Variants in MAML3 observed in about 807,000 individuals in gnomAD.
The protein encoded by MAML3 is mastermind-like protein 3.
MAML3 carries 27 observed loss-of-function variants against 101.9 expected under a neutral mutation model. That is an observed-to-expected ratio of 0.27 (90% confidence interval 0.20 to 0.37). MAML3 has a LOEUF of 0.37. MAML3 is among the 10% of genes least tolerant of loss of function. The pLI is 1.00. For synonymous variants in MAML3, 501 were observed against 555.9 expected, an observed-to-expected ratio of 0.90 and a Z score of 1.39; for missense variants, 1,316 against 1,444.9, an observed-to-expected ratio of 0.91 and a Z score of 1.45.
intron 1 of MAML3, among the ~76,000 whole-genome samples, chr4:140,098,382 G>A (rs1284384861): frequency 6.6e-6 from 1 of 152,170 alleles, no homozygotes; most frequent in Non-Finnish European, 1.5e-5. Flanking sequence ...TGAAATATCA[G>A]CTGGCAAGCA....
rs565086021 is a variant in MAML3 at position 139,986,076 on chromosome 4, G to A, written c.469-95109C>T. On this transcript the variant is annotated intron_variant, in intron 1 of 4. Transcript: ENST00000509479. ...CCAGCTCTATGGAAAGCAGGGTCAG[G>A]ATAAGCAGAAGAGCAGACCAGCATG... 8.5e-5 allele frequency among the ~76,000 whole-genome samples: 13 copies of A among 152,348 alleles called. No homozygotes were observed. The East Asian group carries it at 2.5e-3, about 29-fold the overall frequency.
chr4:139,975,873 T>A (rs1234657040), intron 1 of MAML3, among the ~76,000 whole-genome samples: 2 of 152,210 alleles, frequency 1.3e-5, no homozygotes, highest in African/African-American at 4.8e-5. Context: ...GGCTGTTAAC[T>A]ATCTCAGTGT....
At chr4:139,899,539 A>C (rs549404930) in intron 1 of MAML3, among the ~76,000 whole-genome samples, 2 of 152,284 alleles carry the variant, frequency 1.3e-5, no homozygotes, top group Non-Finnish European at 2.9e-5. Context: ...CAGGTGCCAA[A>C]GGCTCAACTC....
chr4:140,005,791 G>GT (rs2110851201), intron 1 of MAML3, among the ~76,000 whole-genome samples: 1 of 152,328 alleles, frequency 6.6e-6, no homozygotes, highest in African/African-American at 2.4e-5. Flanking sequence ...ATATGCACAC[G>GT]TGAGTCAAAC....
In MAML3 at chr4:140,153,017, T is replaced by C; in HGVS notation, c.311A>G (p.Glu104Gly). ...GCTCACGGTGTCCCGGCGCTCCAGC[T>C]CCAGCTGCTCCACCTGAGCCTGCTG... ...RYQQAQVEQL[E>G]LERRDTVSLY... The change falls in exon 1 of 5, where the codon GAG becomes GGG. Residue 104 changes from glutamate to glycine, a missense_variant. By Grantham distance (98) the Glu-to-Gly change is moderately conservative. Transcript: ENST00000509479. 6.2e-7 allele frequency: 1 copy of C among 1,600,794 alleles called. No homozygotes were observed. Among genetic ancestry groups the C allele is most frequent in the South Asian group, 1.1e-5 (1 of 89,260 alleles).
chr4:139,868,328 T>A (rs1731938186), intron 2 of MAML3, among the ~76,000 whole-genome samples: 1 of 152,226 alleles, frequency 6.6e-6, no homozygotes, highest in Non-Finnish European at 1.5e-5. Context: ...ATATGGAAGT[T>A]TGGTCATAGG....
Position 139,890,413 on chromosome 4 carries a change from G to C in MAML3, c.1023C>G (p.Phe341Leu), listed in dbSNP as rs61736201. ...GAGGGGTCTCAGTTGCTGGCTGCGAGAATTCTGGCTCCTTCTTCTCTTCAA... is the reference window on the plus strand; with the variant it reads ...GAGGGGTCTCAGTTGCTGGCTGCGACAATTCTGGCTCCTTCTTCTCTTCAA... ...EDFEEKKEPE[F>L]SQPATETPLS... Residue 341 changes from phenylalanine to leucine, a missense_variant, in exon 2 of 5, where the codon TTC (phenylalanine) becomes TTG (leucine). Physicochemically the swap from Phe to Leu is conservative, Grantham distance 22. Coordinates refer to ENST00000509479, the MANE Select transcript of MAML3 (RefSeq NM_018717.5). This position sits in a 1 kb window ranked among gnomAD's most constrained non-coding sequence, Gnocchi z 4.1. 3 of 1,605,818 alleles carry C rather than the reference G, an allele frequency of 1.9e-6. No homozygotes were observed. The highest frequency in any genetic ancestry group is 2.6e-6 in the Non-Finnish European group (3 of 1,174,072).
At chr4:140,146,150 G>C (rs550485244) in intron 1 of MAML3, among the ~76,000 whole-genome samples, 9 of 151,922 alleles carry the variant, frequency 5.9e-5, no homozygotes, top group Non-Finnish European at 8.8e-5. Context: ...TGGGATTACA[G>C]GTATGAGCCA....
chr4:139,747,944 C>T (rs1273226482), intron 2 of MAML3, among the ~76,000 whole-genome samples: 2 of 149,332 alleles, frequency 1.3e-5, no homozygotes, highest in East Asian at 4.0e-4. Context: ...ATCCCAGCTA[C>T]TTGGGAGGCT....
At chr4:140,100,702 T>C (rs1728239570) in intron 1 of MAML3, among the ~76,000 whole-genome samples, 1 of 152,050 alleles carries the variant, frequency 6.6e-6, no homozygotes, top group African/African-American at 2.4e-5. Flanking sequence ...ACACCATATG[T>C]GGTAGATTAA....
At chr4:140,057,141 T>C (rs186041533) in intron 1 of MAML3, among the ~76,000 whole-genome samples, 26 of 152,304 alleles carry the variant, frequency 1.7e-4, no homozygotes, top group Middle Eastern at 3.4e-3. Flanking sequence ...CCAGGTGGGA[T>C]GGCATGCATC....
In MAML3 at chr4:140,111,088, T is replaced by C. The variant is rs568240167; in HGVS notation, c.468+41772A>G. ...CATTTAACCAGCTGTCAGCACATTA[T>C]AGTCATGAACTGACACTACCTATGC... On this transcript the variant is annotated intron_variant, in intron 1 of 4. Coordinates refer to ENST00000509479, the MANE Select transcript of MAML3 (RefSeq NM_018717.5). 2.8e-3 allele frequency among the ~76,000 whole-genome samples: 424 copies of C among 152,348 alleles called. 1 individual carries two copies. Among genetic ancestry groups the C allele is most frequent in the Non-Finnish European group, 5.2e-3 (351 of 68,028 alleles).
chr4:139,982,699 C>G (rs564061294), intron 1 of MAML3, among the ~76,000 whole-genome samples: 1 of 152,224 alleles, frequency 6.6e-6, no homozygotes, highest in Admixed American at 6.5e-5. Context: ...ATGCATACAT[C>G]TATATCTATA....
At chr4:139,807,130 G>A (rs1418899893) in intron 2 of MAML3, among the ~76,000 whole-genome samples, 3 of 152,124 alleles carry the variant, frequency 2.0e-5, no homozygotes, top group Non-Finnish European at 2.9e-5. Flanking sequence ...TTCTATTCCA[G>A]TTTCTGCCAC....
intron 1 of MAML3, among the ~76,000 whole-genome samples, chr4:139,958,811 C>A (rs1733958405): frequency 6.6e-6 from 1 of 152,156 alleles, no homozygotes; most frequent in African/African-American, 2.4e-5. Flanking sequence ...ATATCAGGAC[C>A]AAAATGATAA....
chr4:140,007,200 G>A (rs952648843), intron 1 of MAML3, among the ~76,000 whole-genome samples: 9 of 152,174 alleles, frequency 5.9e-5, no homozygotes, highest in South Asian at 2.1e-4. Flanking sequence ...TCTTTGTAGA[G>A]AGAAAAGTAA....
In MAML3 at chr4:140,083,965, CACAGAGAGAGAGAGAGAG is replaced by C. The variant is rs1425966644; in HGVS notation, c.468+68877_468+68894del. On this transcript the variant is annotated intron_variant, in intron 1 of 4. Transcript: ENST00000509479. ...ACACACACACACACACACACACACACACAGAGAGAGAGAGAGAGAGAGAGAGAGAGAGAGAGAGAGAAT... is the reference window on the plus strand; with the variant it reads ...ACACACACACACACACACACACACACAGAGAGAGAGAGAGAGAGAGAGAAT... Among the ~76,000 whole-genome samples the C allele has an allele frequency of 2.3e-3, 143 of 63,258 alleles. 2 individuals are homozygous for C. Among genetic ancestry groups the C allele is most frequent in the East Asian group, 0.017 (23 of 1,326 alleles). 41.5% of individuals were successfully genotyped at this position (63,258 alleles called of 152,430 possible).
chr4:140,058,732 A>C (rs1209636147), intron 1 of MAML3, among the ~76,000 whole-genome samples: 2 of 152,182 alleles, frequency 1.3e-5, no homozygotes, highest in East Asian at 3.9e-4. Context: ...TTGTTTCATT[A>C]GTCTCCTATT....
intron 2 of MAML3, among the ~76,000 whole-genome samples, chr4:139,789,684 A>T (rs972629998): frequency 6.6e-6 from 1 of 150,516 alleles, no homozygotes; most frequent in Non-Finnish European, 1.5e-5. Flanking sequence ...GTGATATATA[A>T]TTTTTTTTTT....
Sources: gnomAD v4.1 joint callset for allele counts (sites outside exome capture counted in the v4.1 genomes callset) on GRCh38, gnomAD v4.1.1 for gene constraint, Gnocchi (gnomAD v3.1) non-coding constraint, MANE v1.5 for transcripts, NCBI Gene and HGNC (gene_info 2026-07-23, HGNC 2026-07-21) for gene names.